NEDD4: variants seen among roughly 807,000 people sequenced by gnomAD.
NEDD4 encodes E3 ubiquitin-protein ligase NEDD4.
A neutral mutation model predicts 144.9 loss-of-function variants in NEDD4; 99 were observed. The observed-to-expected ratio is 0.68, with a 90% confidence interval of 0.58 to 0.81. NEDD4 has a LOEUF of 0.81. Among genes scored for constraint, NEDD4 ranks in the 30% least tolerant of loss-of-function variants. The pLI, the probability that NEDD4 is intolerant of heterozygous loss-of-function variation, is 0.00. For synonymous variants in NEDD4, 318 were observed against 350.6 expected (o/e 0.91, Z 1.04); for missense variants, 985 against 1,065.9 (o/e 0.92, Z 1.06).
At chr15:55,973,310 G>A (rs1314333283) in intron 1 of NEDD4, among the ~76,000 whole-genome samples, 3 of 152,164 alleles carry the variant, frequency 2.0e-5, no homozygotes, top group African/African-American at 7.2e-5. Context: ...ACGCCAAGAT[G>A]GGAGGACTTC....
chr15:55,951,202 T>C (rs2037231475), intron 4 of NEDD4, among the ~76,000 whole-genome samples, 174 bp downstream of exon 4: 1 of 152,180 alleles, frequency 6.6e-6, no homozygotes, highest in Non-Finnish European at 1.5e-5. Flanking sequence ...TACCTCTCCA[T>C]TATCTTACAT....
At chr15:55,836,824 A>C (rs773588338) in intron 24 of NEDD4, among the ~76,000 whole-genome samples, 1 of 151,472 alleles carries the variant, frequency 6.6e-6, no homozygotes, top group Non-Finnish European at 1.5e-5. Context: ...CACCGCGCCC[A>C]AATTTTTAAT....
At chr15:55,882,989 T>A in intron 5 of NEDD4, among the ~76,000 whole-genome samples, 1 of 152,150 alleles carries the variant, frequency 6.6e-6, no homozygotes, top group African/African-American at 2.4e-5. Flanking sequence ...CTATAGAGAC[T>A]CCTGCGTGGG....
Position 55,848,829 on chromosome 15 carries a change from A to C in NEDD4, c.1405T>G (p.Ser469Ala). Residue 469 changes from serine to alanine, a missense_variant, in exon 15 of 29, where the codon TCC becomes GCC. Physicochemically the swap from Ser to Ala is moderately conservative, Grantham distance 99 (BLOSUM62 1). Coordinates refer to ENST00000435532, the MANE Select transcript of NEDD4 (RefSeq NM_006154.4). Reference protein sequence around the residue: ...HLRGKTSLDTSNDLGPLPPGW... With the variant: ...HLRGKTSLDTANDLGPLPPGW... Reference sequence around the variant, plus strand: ...ACAGGTAAAGGCCCTAGATCATTGGAAGTATCAAGTGATGTCTTTCCTCTC... The same window carrying C: ...ACAGGTAAAGGCCCTAGATCATTGGCAGTATCAAGTGATGTCTTTCCTCTC... The C allele has an allele frequency of 6.2e-7, 1 of 1,613,724 alleles. No individual in the cohort carries two copies. Among genetic ancestry groups the C allele is most frequent in the Non-Finnish European group, 8.5e-7 (1 of 1,179,738 alleles).
At chr15:55,842,541 A>G (rs1394277344) in intron 18 of NEDD4, among the ~76,000 whole-genome samples, 1 of 152,128 alleles carries the variant, frequency 6.6e-6, no homozygotes, top group Non-Finnish European at 1.5e-5. Context: ...GCATGCCATC[A>G]TGCCTGACTA....
chr15:55,877,262 A>C, intron 5 of NEDD4, among the ~76,000 whole-genome samples: 1 of 152,194 alleles, frequency 6.6e-6, no homozygotes, highest in Non-Finnish European at 1.5e-5. Flanking sequence ...ATTTCTTTAA[A>C]TCTGGAAAGT....
chr15:55,892,060 G>T (rs2142123987), intron 5 of NEDD4, among the ~76,000 whole-genome samples: 1 of 152,136 alleles, frequency 6.6e-6, no homozygotes, highest in African/African-American at 2.4e-5. Flanking sequence ...GAGGTCAGGA[G>T]TTTGAGACCA....
intron 5 of NEDD4, among the ~76,000 whole-genome samples, chr15:55,899,125 T>G (rs1188979747): frequency 6.6e-6 from 1 of 152,202 alleles, no homozygotes; most frequent in Non-Finnish European, 1.5e-5. Context: ...CCAGAGAATA[T>G]TTCTAAACAA....
At chr15:55,942,267 C>T (rs1177126960) in intron 4 of NEDD4, among the ~76,000 whole-genome samples, 3 of 152,042 alleles carry the variant, frequency 2.0e-5, no homozygotes, top group African/African-American at 7.3e-5. Flanking sequence ...GCAATACTGT[C>T]CTGAAGTCTA....
At chr15:55,932,690 G>A (rs1458946596) in intron 4 of NEDD4, among the ~76,000 whole-genome samples, 3 of 152,146 alleles carry the variant, frequency 2.0e-5, no homozygotes, top group African/African-American at 7.2e-5. Flanking sequence ...AAACTAAAGA[G>A]CTTCTGTACA....
At chr15:55,972,575 A>C (rs970060521) in intron 1 of NEDD4, among the ~76,000 whole-genome samples, 1 of 152,190 alleles carries the variant, frequency 6.6e-6, no homozygotes, top group African/African-American at 2.4e-5. Context: ...TAAAGAAAAC[A>C]CTTTCACAAA....
At chr15:55,888,054 C>T (rs1165880435) in intron 5 of NEDD4, among the ~76,000 whole-genome samples, 1 of 152,098 alleles carries the variant, frequency 6.6e-6, no homozygotes, top group South Asian at 2.1e-4. Flanking sequence ...AAACTAAAAG[C>T]CTTTCCTCTA....
Position 55,993,581 on chromosome 15 carries a change from C to T in NEDD4, c.-26G>A. ...TTCCGAACGCTTCCAGCAAACCGGA[C>T]GCGCTCGCCCCCGCCCAGGGCAGGC... On this transcript the variant is annotated 5_prime_UTR_variant, in exon 1 of 29. Coordinates refer to ENST00000435532, the MANE Select transcript of NEDD4 (RefSeq NM_006154.4). The T allele has an allele frequency of 1.3e-6, 2 of 1,589,556 alleles. No individual in the cohort carries two copies. The highest frequency in any genetic ancestry group is 2.3e-5 in the South Asian group (2 of 88,546).
intron 9 of NEDD4, among the ~76,000 whole-genome samples, chr15:55,861,515 C>T (rs2034407195): frequency 6.6e-6 from 1 of 151,948 alleles, no homozygotes; most frequent in African/African-American, 2.4e-5. Context: ...TTTAATTGTA[C>T]ATTTAAAAAC....
In NEDD4 at chr15:55,863,096, C is replaced by T. The variant is rs373595353; in HGVS notation, c.508-17G>A. On this transcript the variant is annotated splice_polypyrimidine_tract_variant and intron_variant, in intron 8 of 28. Coordinates refer to ENST00000435532, the MANE Select transcript of NEDD4 (RefSeq NM_006154.4). ...CCAGCCAGGCTGAAAAACAGGATGG[C>T]AGCAATTAAGTTTACGCATGATTTT... The T allele has an allele frequency of 1.4e-5, 21 of 1,544,028 alleles. No individual in the cohort carries two copies. The African/African-American group carries it at 2.7e-4, about 20-fold the overall frequency.
At chr15:55,841,822 C>A (rs868051995) in intron 19 of NEDD4, 112 bp downstream of exon 19, 6 of 812,808 alleles carry the variant, frequency 7.4e-6, no homozygotes, top group Non-Finnish European at 1.2e-5. Flanking sequence ...CCGCCCGCCT[C>A]GGCCTCCCAA....
chr15:55,989,727 A>C (rs149849851), intron 1 of NEDD4, among the ~76,000 whole-genome samples: 242 of 152,314 alleles, frequency 1.6e-3, no homozygotes, highest in African/African-American at 5.5e-3. Flanking sequence ...TAGATGCTTT[A>C]AGAAGAAAGA....
rs543303195 is a variant in NEDD4 at position 55,860,654 on chromosome 15, C to T, written c.792+7G>A. The T allele has an allele frequency of 2.5e-6, 4 of 1,613,960 alleles. No individual in the cohort carries two copies. Among genetic ancestry groups the T allele is most frequent in the East Asian group, 4.5e-5 (2 of 44,890 alleles). On this transcript the variant is annotated splice_region_variant and intron_variant, in intron 10 of 28. Transcript: ENST00000435532. ...TCTTTCAAGGAGAACTAGGAAACTA[C>T]TTATACCTCGGAAGACTCTCGGTTG...
chr15:55,869,889 A>AAATAAATAAATCAATAAATAAATAAATC, intron 7 of NEDD4, among the ~76,000 whole-genome samples: 1 of 149,980 alleles, frequency 6.7e-6, no homozygotes, highest in South Asian at 2.1e-4. Flanking sequence ...ATAAATAAAT[A>AAATAAATAAATCAATAAATAAATAAATC]AATAATTGTT....
Sources: gnomAD v4.1 joint callset for allele counts (sites outside exome capture counted in the v4.1 genomes callset) on GRCh38, gnomAD v4.1.1 for gene constraint, MANE v1.5 for transcripts, NCBI Gene and HGNC (gene_info 2026-07-23, HGNC 2026-07-21) for gene names.